Variants in AUH observed in about 807,000 individuals in gnomAD.
AUH encodes methylglutaconyl-CoA hydratase, mitochondrial.
AUH carries 29 observed loss-of-function variants against 42.3 expected under a neutral mutation model. The ratio of observed to expected loss-of-function variants is 0.69; its 90% CI spans 0.51 to 0.93. The LOEUF (loss-of-function observed/expected upper bound fraction) is 0.93. Among genes scored for constraint, AUH ranks in the 40% least tolerant of loss-of-function variants. The pLI is 0.00. For missense variants in AUH, 452 were observed against 438.1 expected, an observed-to-expected ratio of 1.03 and a Z score of -0.28; for synonymous variants, 174 against 166.4, an observed-to-expected ratio of 1.05 and a Z score of -0.35.
At chr9:91,294,349 ACCATC>A (rs1252837519) in intron 6 of AUH, among the ~76,000 whole-genome samples, 3 of 152,188 alleles carry the variant, frequency 2.0e-5, no homozygotes, top group Non-Finnish European at 4.4e-5. Context: ...AGAGATCAAG[ACCATC>A]CTGGCCAACA....
At chr9:91,343,422 T>A (rs146899165) in intron 3 of AUH, among the ~76,000 whole-genome samples, 2 of 152,240 alleles carry the variant, frequency 1.3e-5, no homozygotes, top group Non-Finnish European at 2.9e-5. Context: ...GTGACTAATG[T>A]TTTGCTAGTA....
rs549514742 is a variant in AUH at position 91,330,510 on chromosome 9, T to C, written c.419-5106A>G. On this transcript the variant is annotated intron_variant, in intron 3 of 9. Transcript: ENST00000375731. ...AAGTATTGGTGAAGGTGTAAAGCAA[T>C]GAGACCTCTGACTTAAGACTGCTAG... is the stretch of plus-strand genomic sequence containing the variant. 4.0e-3 allele frequency among the ~76,000 whole-genome samples: 608 copies of C among 152,328 alleles called. 1 individual carries two copies. The highest frequency in any genetic ancestry group is 7.6e-3 in the Admixed American group (117 of 15,298).
At chr9:91,228,919 C>A (rs1173281159) in intron 6 of AUH, among the ~76,000 whole-genome samples, 1 of 152,144 alleles carries the variant, frequency 6.6e-6, no homozygotes, top group East Asian at 1.9e-4. Flanking sequence ...GTCTGAGAGA[C>A]AGTTTGTTTT....
intron 4 of AUH, among the ~76,000 whole-genome samples, chr9:91,323,077 A>C (rs1363225303): frequency 1.3e-5 from 2 of 152,206 alleles, no homozygotes; most frequent in East Asian, 3.9e-4. Flanking sequence ...CAAAATATTA[A>C]AGGCACCCAC....
At chr9:91,255,586 A>C (rs759181222) in intron 6 of AUH, among the ~76,000 whole-genome samples, 4 of 151,894 alleles carry the variant, frequency 2.6e-5, no homozygotes, top group Non-Finnish European at 4.4e-5. Flanking sequence ...TAACAGATGC[A>C]TAAGTCTGAA....
chr9:91,301,967 T>G (rs1827818460), intron 4 of AUH, among the ~76,000 whole-genome samples: 1 of 152,206 alleles, frequency 6.6e-6, no homozygotes, highest in Non-Finnish European at 1.5e-5. Context: ...TAAAACAGCT[T>G]AATTCGTATT....
intron 4 of AUH, 90 bp downstream of exon 4, chr9:91,325,228 A>C (rs1164544698): frequency 2.1e-5 from 21 of 995,482 alleles, no homozygotes; most frequent in Non-Finnish European, 2.8e-5. Flanking sequence ...ATAAATATTT[A>C]ACCAATGCTT....
chr9:91,356,937 T>A lies in AUH; in HGVS notation c.263-782A>T, dbSNP rs2132089355. Among the ~76,000 whole-genome samples, 3 of 152,332 alleles carry A rather than the reference T, an allele frequency of 2.0e-5. 1 individual carries two copies. In the Middle Eastern group the frequency reaches 0.01, roughly 522 times the overall value. ...ATTTTCACAGTGTATCAGAAATACC[T>A]TCCACTGAGTCAGGGTGGGTATGTT... On this transcript the variant is annotated intron_variant, in intron 1 of 9. Transcript: ENST00000375731.
intron 3 of AUH, among the ~76,000 whole-genome samples, chr9:91,336,458 T>C (rs991636278): frequency 1.3e-5 from 2 of 151,860 alleles, no homozygotes; most frequent in African/African-American, 4.8e-5. Flanking sequence ...GGCAAAACCC[T>C]GTCTCTACTA....
intron 6 of AUH, among the ~76,000 whole-genome samples, chr9:91,278,247 C>T (rs570592822): frequency 5.9e-5 from 9 of 152,098 alleles, no homozygotes; most frequent in African/African-American, 1.9e-4. Flanking sequence ...GAAAAAATAA[C>T]GGGGAAAGCA....
At position 91,306,117 on chromosome 9, in the gene AUH, T is replaced by G. The variant is rs536079721; in HGVS notation, c.506-8041A>C. On this transcript the variant is annotated intron_variant, in intron 4 of 9. Transcript: ENST00000375731. ...GACTGTAATCGAGTTCTGACTTGAGTTTTCTCTGGAAACCCCCAAAACCCA... is the reference window on the plus strand; with the variant it reads ...GACTGTAATCGAGTTCTGACTTGAGGTTTCTCTGGAAACCCCCAAAACCCA... Among the ~76,000 whole-genome samples, 12 of 151,930 alleles carry G rather than the reference T, an allele frequency of 7.9e-5. No individual in the cohort carries two copies. The South Asian group carries it at 1.0e-3, about 13-fold the overall frequency.
chr9:91,233,978 TAAG>T (rs1304317359), intron 6 of AUH, among the ~76,000 whole-genome samples: 1 of 152,184 alleles, frequency 6.6e-6, no homozygotes, highest in East Asian at 1.9e-4. Flanking sequence ...GGTCATGAAC[TAAG>T]AAGACGGGGG....
chr9:91,327,995 A>G (rs1446573513), intron 3 of AUH, among the ~76,000 whole-genome samples: 1 of 152,206 alleles, frequency 6.6e-6, no homozygotes, highest in Admixed American at 6.5e-5. Context: ...GCGCGAACCA[A>G]GCACAACCTG....
chr9:91,288,071 G>C (rs960059841), intron 6 of AUH, among the ~76,000 whole-genome samples: 1 of 152,084 alleles, frequency 6.6e-6, no homozygotes, highest in African/African-American at 2.4e-5. Context: ...AATAAAAAAG[G>C]AATTCACAGA....
chr9:91,360,817 G>C (rs930299623), intron 1 of AUH, among the ~76,000 whole-genome samples: 2 of 152,160 alleles, frequency 1.3e-5, no homozygotes, highest in African/African-American at 4.8e-5. Context: ...CTCAACAAAT[G>C]CATGTCAAAA....
intron 6 of AUH, among the ~76,000 whole-genome samples, chr9:91,272,596 T>C (rs1214135702): frequency 6.6e-6 from 1 of 152,162 alleles, no homozygotes; most frequent in Non-Finnish European, 1.5e-5. Context: ...TCTAATAACC[T>C]TCTCATTCAC....
intron 6 of AUH, among the ~76,000 whole-genome samples, chr9:91,249,029 GCTTACA>G (rs1828956915): frequency 6.6e-6 from 1 of 152,066 alleles, no homozygotes; most frequent in Non-Finnish European, 1.5e-5. Flanking sequence ...AGGCACGGTG[GCTTACA>G]CCTGTAATGC....
At chr9:91,353,717 A>G (rs1832176225) in intron 3 of AUH, among the ~76,000 whole-genome samples, 1 of 147,538 alleles carries the variant, frequency 6.8e-6, no homozygotes, top group Admixed American at 6.8e-5. Flanking sequence ...GGGCGCCTGT[A>G]GTTCCAGCTA....
At chr9:91,327,728 C>T (rs536322062) in intron 3 of AUH, among the ~76,000 whole-genome samples, 1 of 152,344 alleles carries the variant, frequency 6.6e-6, no homozygotes, top group Non-Finnish European at 1.5e-5. Flanking sequence ...AATAAAAGAG[C>T]TGTAACATGC....
Sources: allele counts gnomAD v4.1 joint callset (sites outside exome capture counted in the v4.1 genomes callset), GRCh38; gene constraint gnomAD v4.1.1; transcripts MANE v1.5; gene names NCBI Gene and HGNC (gene_info 2026-07-23, HGNC 2026-07-21).